Variants in GSKIP observed in about 807,000 individuals in gnomAD.
GSKIP encodes GSK3B interacting protein, also known as GSK3B-interacting protein.
In GSKIP, 5 loss-of-function variants were observed where a neutral mutation model predicts 11.9. That is an observed-to-expected ratio of 0.42 (90% CI 0.22 to 0.89). The LOEUF (loss-of-function observed/expected upper bound fraction) is 0.89. Among genes scored for constraint, GSKIP ranks in the 40% least tolerant of loss-of-function variants. The pLI is 0.29. For synonymous variants in GSKIP, 70 were observed against 62.9 expected, an observed-to-expected ratio of 1.11 and a Z score of -0.54; for missense variants, 150 against 166.6, an observed-to-expected ratio of 0.90 and a Z score of 0.55.
chr14:96,363,868 A>C (rs1180303275), intron 1 of GSKIP: 1 of 152,282 alleles, frequency 6.6e-6, no homozygotes, highest in African/African-American at 2.4e-5. Flanking sequence ...CCCCGCCCGC[A>C]CCCGAGCATT....
At chr14:96,364,542 A>C (rs1029002044) in intron 1 of GSKIP, 4 of 152,218 alleles carry the variant, frequency 2.6e-5, no homozygotes, top group Non-Finnish European at 5.9e-5. Context: ...AATACAGCCC[A>C]AAATATTGGT....
At chr14:96,369,102 C>G (rs1888976428) in intron 1 of GSKIP, among the ~76,000 whole-genome samples, 1 of 152,196 alleles carries the variant, frequency 6.6e-6, no homozygotes, top group African/African-American at 2.4e-5. Flanking sequence ...CCTTGTTACA[C>G]TGTAGCGAAG....
intron 1 of GSKIP, among the ~76,000 whole-genome samples, chr14:96,369,172 A>T (rs1166001157): frequency 6.6e-6 from 1 of 152,172 alleles, no homozygotes; most frequent in Non-Finnish European, 1.5e-5. Flanking sequence ...TTGAGTGATG[A>T]CCTAGAGTAT....
intron 1 of GSKIP, among the ~76,000 whole-genome samples, chr14:96,376,845 A>G (rs1286634883): frequency 6.6e-6 from 1 of 152,228 alleles, no homozygotes; most frequent in Non-Finnish European, 1.5e-5. Context: ...GTGGATTATG[A>G]TATTTGATTA....
At chr14:96,374,954 AAAT>A (rs1889156936) in intron 1 of GSKIP, among the ~76,000 whole-genome samples, 1 of 152,230 alleles carries the variant, frequency 6.6e-6, no homozygotes, top group Non-Finnish European at 1.5e-5. Flanking sequence ...TCTCTCTGAA[AAAT>A]AATTGACTCT....
intron 3 of GSKIP, 150 bp from the exon 4 acceptor site, chr14:96,385,373 C>A: frequency 1.7e-6 from 1 of 573,196 alleles, no homozygotes; most frequent in Non-Finnish European, 3.1e-6. Context: ...GAAATAGTTT[C>A]ACTCAGTTAC....
chr14:96,378,327 C>T (rs1358105062), intron 1 of GSKIP, among the ~76,000 whole-genome samples: 1 of 151,720 alleles, frequency 6.6e-6, no homozygotes, highest in Non-Finnish European at 1.5e-5. Context: ...GATCCTGCCT[C>T]ATAAATAAAT....
At chr14:96,379,285 C>G (rs958235811) in intron 1 of GSKIP, among the ~76,000 whole-genome samples, 3 of 152,150 alleles carry the variant, frequency 2.0e-5, no homozygotes, top group Non-Finnish European at 4.4e-5. Context: ...GCCTGGGCAA[C>G]AGAGCGAGAC....
chr14:96,364,661 C>G (rs1359233653), intron 1 of GSKIP: 1 of 152,288 alleles, frequency 6.6e-6, no homozygotes, highest in Non-Finnish European at 1.5e-5. Context: ...TCTTTGTAGA[C>G]TCATCTCAAG....
chr14:96,373,059 G>C (rs912141290), intron 1 of GSKIP, among the ~76,000 whole-genome samples: 1 of 151,750 alleles, frequency 6.6e-6, no homozygotes, highest in Non-Finnish European at 1.5e-5. Context: ...ATGAAACCCC[G>C]TCTATACTAA....
chr14:96,372,495 A>C (rs927485960), intron 1 of GSKIP, among the ~76,000 whole-genome samples: 1 of 152,254 alleles, frequency 6.6e-6, no homozygotes, highest in African/African-American at 2.4e-5. Flanking sequence ...TAGAGGACTA[A>C]AAGTCTTCAA....
chr14:96,372,770 G>A (rs1167083254), intron 1 of GSKIP, among the ~76,000 whole-genome samples: 1 of 152,158 alleles, frequency 6.6e-6, no homozygotes, highest in Non-Finnish European at 1.5e-5. Flanking sequence ...AGGACATAGA[G>A]CTGGAAACCC....
chr14:96,370,944 G>A (rs145554650), intron 1 of GSKIP, among the ~76,000 whole-genome samples: 1 of 152,190 alleles, frequency 6.6e-6, no homozygotes, highest in Admixed American at 6.5e-5. Flanking sequence ...AAAATGGGGT[G>A]CAGAATAATT....
intron 2 of GSKIP, among the ~76,000 whole-genome samples, chr14:96,382,003 G>A (rs1254394041): frequency 1.3e-5 from 2 of 152,076 alleles, no homozygotes; most frequent in Non-Finnish European, 2.9e-5. Flanking sequence ...TTATCAATAT[G>A]GAAATTGACC....
Position 96,382,071 on chromosome 14 carries a change from G to A in GSKIP, c.-1-176G>A, listed in dbSNP as rs534677554. On this transcript the variant is annotated intron_variant, in intron 2 of 3. Coordinates refer to ENST00000555181, the MANE Select transcript of GSKIP (RefSeq NM_016472.5). ...TTTTTGAAGATCTATGGGTGTCGGT[G>A]ATTTTGCTGTGAAAAACCACTAGAA... Among the ~76,000 whole-genome samples, 9 of 152,210 alleles carry A rather than the reference G, an allele frequency of 5.9e-5. No homozygotes were observed. The South Asian group carries it at 1.9e-3, about 32-fold the overall frequency.
chr14:96,380,030 A>G lies in GSKIP; in HGVS notation c.-2+242A>G, dbSNP rs1008142168. The G allele has an allele frequency of 3.3e-5, 5 of 152,238 alleles. No homozygotes were observed. The East Asian group carries it at 9.6e-4, about 29-fold the overall frequency. 9.4% of individuals were successfully genotyped at this position (152,238 alleles called of 1,614,324 possible). On this transcript the variant is annotated intron_variant, in intron 2 of 3. Coordinates refer to ENST00000555181, the MANE Select transcript of GSKIP (RefSeq NM_016472.5). ...GGCTCATTTTGTATGTATAAGACCA[A>G]ATATAATCTTGAGCAGTATACTGAT... is the stretch of plus-strand genomic sequence containing the variant.
rs368058218 is a variant in GSKIP, at chr14:96,385,418, A to G, written c.259-105A>G. ...TGGTGGTCTAGTGGCTAGGAAAAGA[A>G]ATAATTTATTTTTTTGAAAGGATGA... On this transcript the variant is annotated intron_variant, in intron 3 of 3. Coordinates refer to ENST00000555181, the MANE Select transcript of GSKIP (RefSeq NM_016472.5). 57 of 866,500 alleles carry G rather than the reference A, an allele frequency of 6.6e-5. No homozygotes were observed. In the East Asian group the frequency reaches 1.3e-3, roughly 19 times the overall value. The allele number at this position is 866,500 out of a possible 1,614,324, so 53.7% of individuals were successfully genotyped here.
Position 96,366,107 on chromosome 14 carries a change from CAT to C in GSKIP, c.-103+2540_-103+2541del, listed in dbSNP as rs74996716. Reference sequence around the variant, plus strand: ...TTCTGGATATATTTTGAAGATAAGACATGTTTGTAAATAATAATTCTAATATT... The same window carrying C: ...TTCTGGATATATTTTGAAGATAAGACGTTTGTAAATAATAATTCTAATATT... On this transcript the variant is annotated intron_variant, in intron 1 of 3. Coordinates refer to ENST00000555181, the MANE Select transcript of GSKIP (RefSeq NM_016472.5). 3.7e-3 allele frequency among the ~76,000 whole-genome samples: 560 copies of C among 152,042 alleles called. 12 individuals are homozygous for C. The East Asian group carries it at 0.047, about 13-fold the overall frequency.
At chr14:96,378,405 G>C (rs1045293630) in intron 1 of GSKIP, among the ~76,000 whole-genome samples, 11 of 152,158 alleles carry the variant, frequency 7.2e-5, no homozygotes, top group Admixed American at 1.3e-4. Context: ...GTTAAAGATT[G>C]AGGAAGGTAC....
Sources: allele counts gnomAD v4.1 joint callset (sites outside exome capture counted in the v4.1 genomes callset), GRCh38; gene constraint gnomAD v4.1.1; transcripts MANE v1.5; gene names NCBI Gene and HGNC (gene_info 2026-07-23, HGNC 2026-07-21).